GALNT16: variants seen among roughly 807,000 people sequenced by gnomAD.
The protein encoded by GALNT16 is UDP-GalNAc:polypeptide N-acetylgalactosaminyltransferase-like protein 1.
GALNT16 carries 40 observed loss-of-function variants against 76.1 expected under a neutral mutation model. That is an observed-to-expected ratio of 0.53 (90% CI 0.41 to 0.68). GALNT16 has a LOEUF of 0.68. Ranked by LOEUF, GALNT16 falls within the 30% of genes least tolerant of loss-of-function variation. The pLI is 0.00. For synonymous variants in GALNT16, 276 were observed against 285.2 expected (o/e 0.97, Z 0.32); for missense variants, 621 against 731.9 (o/e 0.85, Z 1.75).
downstream of GALNT16, chr14:69,358,886 T>G (rs1464810564): frequency 6.6e-6 from 1 of 152,364 alleles, no homozygotes; most frequent in Non-Finnish European, 1.5e-5. Flanking sequence ...TCAGCCAAAG[T>G]GACCTGAGTC....
chr14:69,371,400 C>T, the GALNT16 span, among the ~76,000 whole-genome samples: 2 of 151,572 alleles, frequency 1.3e-5, no homozygotes, highest in East Asian at 2.0e-4. Flanking sequence ...ATTACAGGCA[C>T]GCACCACCAC....
Position 69,325,266 on chromosome 14 carries a change from C to T in GALNT16, c.435-71C>T, listed in dbSNP as rs1273873098. The stretch of plus-strand genomic sequence containing the variant: ...GCTGGGCGGCTGGGGAGTCCCACGG[C>T]CCCGGGAGTGGTAAAAATGGGAGGT... On this transcript the variant is annotated intron_variant, in intron 3 of 14. Transcript: ENST00000448469. 6.2e-6 allele frequency: 6 copies of T among 962,456 alleles called. No homozygotes were observed. In the East Asian group the frequency reaches 7.1e-5, roughly 11 times the overall value. 59.6% of individuals were successfully genotyped at this position (962,456 alleles called of 1,614,324 possible).
chr14:69,310,155 CA>C (rs2044996133), intron 1 of GALNT16, among the ~76,000 whole-genome samples: 1 of 152,022 alleles, frequency 6.6e-6, no homozygotes, highest in Admixed American at 6.6e-5. Context: ...TATAAGACTA[CA>C]GGTACTACTA....
the GALNT16 span, among the ~76,000 whole-genome samples, chr14:69,366,285 T>G: frequency 6.6e-6 from 1 of 152,168 alleles, no homozygotes. Flanking sequence ...CAATCCATGA[T>G]GGCCCCCTCC....
intron 1 of GALNT16, among the ~76,000 whole-genome samples, chr14:69,314,927 T>A (rs1005311030): frequency 6.6e-5 from 10 of 152,212 alleles, no homozygotes; most frequent in Non-Finnish European, 1.5e-4. Flanking sequence ...GGTACCTGTT[T>A]TACTGGCAGT....
intron 6 of GALNT16, among the ~76,000 whole-genome samples, chr14:69,330,604 C>A (rs1041041120): frequency 1.3e-5 from 2 of 152,210 alleles, no homozygotes; most frequent in Non-Finnish European, 2.9e-5. Context: ...TCAGCCCCAT[C>A]CCGGGCTTCC....
At chr14:69,335,083 T>A (rs570124215) in intron 9 of GALNT16, among the ~76,000 whole-genome samples, 1 of 152,256 alleles carries the variant, frequency 6.6e-6, no homozygotes, top group South Asian at 2.1e-4. Context: ...CCACATCTAA[T>A]GGGCGTATGC....
rs2045665626 is a variant in GALNT16 at position 69,353,661 on chromosome 14, G to T, written c.*1493G>T. ...CCCATAGAGTTCATGGATTCTAGAG[G>T]GTCTAGGAATCTCTTGAAATTGTCC... is the stretch of plus-strand genomic sequence containing the variant. On this transcript the variant is annotated 3_prime_UTR_variant, in exon 15 of 15. Coordinates refer to ENST00000448469, the MANE Select transcript of GALNT16 (RefSeq NM_001168368.2). The T allele has an allele frequency of 6.6e-6, 1 of 152,130 alleles. No individual in the cohort carries two copies. Among genetic ancestry groups the T allele is most frequent in the South Asian group, 2.1e-4 (1 of 4,830 alleles). 9.4% of individuals were successfully genotyped at this position (152,130 alleles called of 1,614,324 possible). A position where few individuals can be genotyped will look rare whatever the true frequency, so the allele number is the denominator to read the frequency against.
chr14:69,321,343 A>G (rs896189201), intron 2 of GALNT16, among the ~76,000 whole-genome samples: 3 of 152,166 alleles, frequency 2.0e-5, no homozygotes, highest in Admixed American at 2.0e-4. Flanking sequence ...TTCTCTCAGT[A>G]TGGTGAGGTG....
the GALNT16 span, among the ~76,000 whole-genome samples, chr14:69,369,008 A>G: frequency 8.5e-5 from 13 of 152,086 alleles, no homozygotes; most frequent in African/African-American, 3.1e-4. Flanking sequence ...TGTTTACACA[A>G]CTCAATAAAC....
chr14:69,263,530 G>A lies in GALNT16; in HGVS notation c.177+3063G>A, dbSNP rs191801222. On this transcript the variant is annotated intron_variant, in intron 1 of 14. Transcript: ENST00000448469. Reference sequence around the variant, plus strand: ...CAGAGGCTGGCAAATTCAGACAGGCGTCATCATTGCTCCCTTGGGGAATCA... The same window carrying A: ...CAGAGGCTGGCAAATTCAGACAGGCATCATCATTGCTCCCTTGGGGAATCA... 4.8e-4 allele frequency among the ~76,000 whole-genome samples: 73 copies of A among 152,318 alleles called. 1 individual carries two copies. The highest frequency in any genetic ancestry group is 1.6e-3 in the African/African-American group (65 of 41,566).
intron 1 of GALNT16, among the ~76,000 whole-genome samples, chr14:69,313,661 A>G (rs1420684856): frequency 6.6e-6 from 1 of 152,214 alleles, no homozygotes; most frequent in East Asian, 1.9e-4. Context: ...ATGTGTTGGG[A>G]AATCTAACTG....
chr14:69,310,472 G>A (rs1158616579), intron 1 of GALNT16, among the ~76,000 whole-genome samples: 1 of 152,100 alleles, frequency 6.6e-6, no homozygotes, highest in Non-Finnish European at 1.5e-5. Context: ...TCCCTTTAAG[G>A]TCTGTTTAAC....
rs1045059484 is a variant in GALNT16 at position 69,261,329 on chromosome 14, G to C, written c.177+862G>C. The stretch of plus-strand genomic sequence containing the variant: ...TGTCGCCGTCTCCGTCCGAGCCCCA[G>C]GTGACAGAGCTGTGCGTGGCCAGGC... On this transcript the variant is annotated intron_variant, in intron 1 of 14. Coordinates refer to ENST00000448469, the MANE Select transcript of GALNT16 (RefSeq NM_001168368.2). The surrounding 1 kb of genome is among the most constrained non-coding windows in gnomAD (Gnocchi z 6.4). 6.6e-5 allele frequency among the ~76,000 whole-genome samples: 10 copies of C among 152,200 alleles called. No homozygotes were observed. The highest frequency in any genetic ancestry group is 2.2e-4 in the African/African-American group (9 of 41,460).
chr14:69,327,364 A>C (rs2045299451), intron 5 of GALNT16, among the ~76,000 whole-genome samples: 1 of 152,102 alleles, frequency 6.6e-6, no homozygotes, highest in Non-Finnish European at 1.5e-5. Context: ...TTTCGAAAAA[A>C]AGAAAGAAAG....
At chr14:69,339,338 A>ACCTGCT (rs2045454834) in intron 10 of GALNT16, among the ~76,000 whole-genome samples, 189 bp from the exon 11 acceptor site, 1 of 152,060 alleles carries the variant, frequency 6.6e-6, no homozygotes, top group East Asian at 1.9e-4. Flanking sequence ...GTCTAGCTGC[A>ACCTGCT]TACCTACAAA....
At chr14:69,348,682 A>T (rs1244870416) in intron 14 of GALNT16, 4 of 152,508 alleles carry the variant, frequency 2.6e-5, no homozygotes, top group Non-Finnish European at 5.9e-5. Context: ...CACTGTCACC[A>T]CTAATCCTGG....
At chr14:69,260,595 A>G (rs1275678239) in intron 1 of GALNT16, 128 bp downstream of exon 1, 2 of 569,148 alleles carry the variant, frequency 3.5e-6, no homozygotes, top group Non-Finnish European at 5.0e-6. Flanking sequence ...GGCTTTGTAT[A>G]TGTTGGAGCA....
chr14:69,281,597 G>C (rs757578416), intron 1 of GALNT16, among the ~76,000 whole-genome samples: 72 of 151,892 alleles, frequency 4.7e-4, no homozygotes, highest in Admixed American at 2.1e-3. Context: ...TCTCTCCTTT[G>C]TTGCCAGCAG....
Sources: allele counts gnomAD v4.1 joint callset (sites outside exome capture counted in the v4.1 genomes callset), GRCh38; gene constraint gnomAD v4.1.1; non-coding constraint Gnocchi (gnomAD v3.1); transcripts MANE v1.5; gene names NCBI Gene and HGNC (gene_info 2026-07-23, HGNC 2026-07-21).